Variants in RNASEH2B observed in about 807,000 individuals in gnomAD.
RNASEH2B encodes the protein ribonuclease H2 subunit B, also known as Aicardi-Goutieres syndrome 2 protein.
Under a neutral mutation model 45.0 loss-of-function variants are expected in RNASEH2B, and 36 were observed. The observed-to-expected ratio is 0.80, with a 90% CI of 0.61 to 1.06. The LOEUF (loss-of-function observed/expected upper bound fraction) is 1.06. Among genes scored for constraint, RNASEH2B ranks in the 50% least tolerant of loss-of-function variants. The pLI, the probability that RNASEH2B is intolerant of heterozygous loss-of-function variation, is 0.00. For synonymous variants in RNASEH2B, 119 were observed against 125.7 expected (o/e 0.95, Z 0.35); for missense variants, 361 against 360.3 (o/e 1.00, Z -0.02).
chr13:50,910,189 C>G, intron 1 of RNASEH2B, 49 bp downstream of exon 1: 1 of 1,304,564 alleles, frequency 7.7e-7, no homozygotes, highest in Non-Finnish European at 9.9e-7. Flanking sequence ...ACTGGCGGAG[C>G]GGCCCGCGAC....
At chr13:50,911,831 A>G (rs1879418204) in intron 1 of RNASEH2B, 2 of 152,174 alleles carry the variant, frequency 1.3e-5, no homozygotes, top group African/African-American at 4.8e-5. Flanking sequence ...CAAGTGCATT[A>G]TTGTTATTTC....
chr13:50,915,477 T>G, intron 1 of RNASEH2B: 1 of 398,646 alleles, frequency 2.5e-6, no homozygotes, highest in Non-Finnish European at 4.4e-6. Context: ...ACTGCCCAGG[T>G]TCGTGGTACC....
rs532755936 is a variant in RNASEH2B at position 50,925,250 on chromosome 13, G to A, written c.65-2157G>A. On this transcript the variant is annotated intron_variant, in intron 1 of 10. Coordinates refer to ENST00000336617, the MANE Select transcript of RNASEH2B (RefSeq NM_024570.4). ...AATCTTCTATGTCTCTAATTAACTC[G>A]TCTATGAGGATTGTTGTTTTTAAAG... Among the ~76,000 whole-genome samples the A allele has an allele frequency of 1.1e-4, 16 of 150,910 alleles. No homozygotes were observed. The East Asian group carries it at 1.4e-3, about 13-fold the overall frequency.
intron 1 of RNASEH2B, chr13:50,910,927 G>GATA (rs1879349883): frequency 6.6e-6 from 1 of 152,232 alleles, no homozygotes; most frequent in Non-Finnish European, 1.5e-5. Context: ...CAAATGCAGT[G>GATA]TTTGTGGCAG....
intron 1 of RNASEH2B, chr13:50,911,579 C>T (rs1011747386): frequency 2.6e-5 from 4 of 152,138 alleles, no homozygotes; most frequent in Non-Finnish European, 4.4e-5. Flanking sequence ...AATGGTTTTC[C>T]AAAGTGGTTA....
intron 10 of RNASEH2B, chr13:50,954,359 C>G: frequency 2.4e-6 from 1 of 413,006 alleles, no homozygotes; most frequent in South Asian, 4.4e-5. Flanking sequence ...AGCATTCACC[C>G]TGGCAAATGG....
At chr13:50,932,177 G>A (rs564054192) in intron 4 of RNASEH2B, among the ~76,000 whole-genome samples, 10 of 152,146 alleles carry the variant, frequency 6.6e-5, no homozygotes, top group South Asian at 2.1e-4. Context: ...GCCTAATACC[G>A]GGGTCTGAAT....
intron 5 of RNASEH2B, 51 bp downstream of exon 5, chr13:50,935,050 T>C (rs1429869073): frequency 2.5e-6 from 3 of 1,200,816 alleles, no homozygotes; most frequent in Non-Finnish European, 3.7e-6. Flanking sequence ...GGACCTTGCC[T>C]AAGAACGTGG....
rs554068261 is a variant in RNASEH2B, at chr13:50,918,389, G to A, written c.64+8249G>A. Among the ~76,000 whole-genome samples, 7 of 152,248 alleles carry A rather than the reference G, an allele frequency of 4.6e-5. No individual in the cohort carries two copies. In the South Asian group the frequency reaches 8.3e-4, roughly 18 times the overall value. On this transcript the variant is annotated intron_variant, in intron 1 of 10. Transcript: ENST00000336617. ...CCTGACGTCGTGATCCGCCCGCCTCGGCCTCCCAAAGTGTTGGGATTACAG... is the reference window on the plus strand; with the variant it reads ...CCTGACGTCGTGATCCGCCCGCCTCAGCCTCCCAAAGTGTTGGGATTACAG...
chr13:50,929,665 T>A, intron 3 of RNASEH2B, 83 bp downstream of exon 3: 1 of 890,714 alleles, frequency 1.1e-6, no homozygotes, highest in Non-Finnish European at 1.8e-6. Flanking sequence ...TGTGGGTCTG[T>A]CACCGGGTTT....
chr13:50,960,064 C>G, downstream of RNASEH2B: 1 of 523,860 alleles, frequency 1.9e-6, no homozygotes, highest in Non-Finnish European at 2.9e-6. Flanking sequence ...GGTTCTTCAT[C>G]TTCAATAGGT....
chr13:50,934,929 T>G lies in RNASEH2B; in HGVS notation c.366T>G (p.Phe122Leu). 1 of 1,614,086 alleles carries G rather than the reference T, an allele frequency of 6.2e-7. No individual in the cohort carries two copies. The highest frequency in any genetic ancestry group is 8.5e-7 in the Non-Finnish European group (1 of 1,179,944). Reference sequence around the variant, plus strand: ...ATCAAGTTGTGGTGGATAACGTGTTTCCAAATTGCATCTTGTTGCTGAAAC... The same window carrying G: ...ATCAAGTTGTGGTGGATAACGTGTTGCCAAATTGCATCTTGTTGCTGAAAC... ...PLDQVVVDNVFPNCILLLKLP... is the reference protein window; with the variant it reads ...PLDQVVVDNVLPNCILLLKLP... The change falls in exon 5 of 11, where the codon TTT (phenylalanine) becomes TTG (leucine). Residue 122 changes from phenylalanine (F) to leucine (L), a missense_variant. Phe to Leu is a conservative substitution (Grantham distance 22, BLOSUM62 0). Transcript: ENST00000336617.
intron 1 of RNASEH2B, among the ~76,000 whole-genome samples, chr13:50,919,788 G>A (rs1027671087): frequency 2.6e-5 from 4 of 152,166 alleles, no homozygotes; most frequent in African/African-American, 9.7e-5. Context: ...CTTCAGGCAG[G>A]TTTTTCATCC....
intron 9 of RNASEH2B, among the ~76,000 whole-genome samples, chr13:50,969,461 A>G (rs1290539730): frequency 7.2e-6 from 1 of 139,394 alleles, no homozygotes; most frequent in African/African-American, 2.7e-5. Context: ...ATGCTTATCT[A>G]TTTTTTATAC....
intron 1 of RNASEH2B, among the ~76,000 whole-genome samples, chr13:50,918,281 G>A (rs1879857356): frequency 6.6e-6 from 1 of 152,084 alleles, no homozygotes; most frequent in South Asian, 2.1e-4. Flanking sequence ...GGGACTACAG[G>A]CACCCGCCAC....
chr13:50,914,876 C>T (rs1362014152), intron 1 of RNASEH2B, among the ~76,000 whole-genome samples: 4 of 152,176 alleles, frequency 2.6e-5, no homozygotes, highest in Non-Finnish European at 4.4e-5. Flanking sequence ...CATGGATTCT[C>T]CCACATCCTC....
intron 5 of RNASEH2B, chr13:50,936,263 T>C (rs1951750285): frequency 6.6e-6 from 1 of 152,186 alleles, no homozygotes; most frequent in Non-Finnish European, 1.5e-5. Flanking sequence ...ATCATCCAAG[T>C]AGTTTCAGGG....
At chr13:50,921,435 T>C (rs1016954534) in intron 1 of RNASEH2B, 2 of 152,246 alleles carry the variant, frequency 1.3e-5, no homozygotes, top group African/African-American at 4.8e-5. Flanking sequence ...ATTTAGCTAT[T>C]CTTCACCTGT....
downstream of RNASEH2B, among the ~76,000 whole-genome samples, chr13:50,957,120 CA>C (rs565157436): frequency 1.4e-3 from 203 of 149,504 alleles, 1 homozygote; most frequent in Non-Finnish European, 2.3e-3. Flanking sequence ...ATTTTAGACT[CA>C]GGGGGTACAT....
Sources: allele counts gnomAD v4.1 joint callset (sites outside exome capture counted in the v4.1 genomes callset), GRCh38; gene constraint gnomAD v4.1.1; transcripts MANE v1.5; gene names NCBI Gene and HGNC (gene_info 2026-07-23, HGNC 2026-07-21).